Variants in DST observed in about 807,000 individuals in gnomAD.
The protein encoded by DST is dystonin.
In DST, 253 loss-of-function variants were observed where a neutral mutation model predicts 875.2. That is an observed-to-expected ratio of 0.29 (90% CI 0.26 to 0.32). DST has a LOEUF of 0.32. Among genes scored for constraint, DST ranks in the 10% least tolerant of loss-of-function variants. The pLI is 1.00. For synonymous variants in DST, 3,124 were observed against 3,197.1 expected, an observed-to-expected ratio of 0.98 and a Z score of 0.77; for missense variants, 8,287 against 9,111.6, an observed-to-expected ratio of 0.91 and a Z score of 3.68.
intron 4 of DST, chr6:56,843,258 A>C: frequency 2.3e-6 from 3 of 1,284,660 alleles, no homozygotes; most frequent in Non-Finnish European, 3.0e-6. Context: ...AGGAAGGAGC[A>C]GCACGCTGGG....
In DST at chr6:56,639,481, G is replaced by A. The variant is rs762673986; in HGVS notation, c.2828C>T (p.Thr943Ile). The A allele has an allele frequency of 6.2e-7, 1 of 1,613,770 alleles. No individual in the cohort carries two copies. Among genetic ancestry groups the A allele is most frequent in the South Asian group, 1.1e-5 (1 of 91,074 alleles). The change falls in exon 21 of 104, where the codon ACC (threonine) becomes ATC (isoleucine). Residue 943 changes from threonine (T) to isoleucine (I), a missense_variant. This residue lies in a region of DST where 1,160 missense variants were observed against 1,424.3 expected (regional missense o/e 0.81). Coordinates refer to ENST00000680361, the MANE Select transcript of DST (RefSeq NM_001374736.1). ...EVAYDWSERNTNIARKKDYHA... is the reference protein window; with the variant it reads ...EVAYDWSERNINIARKKDYHA... ...ATAATCTTTTTTCCTAGCTATGTTGGTGTTTCTCTCACTCCAGTCATAAGC... is the reference window on the plus strand; with the variant it reads ...ATAATCTTTTTTCCTAGCTATGTTGATGTTTCTCTCACTCCAGTCATAAGC...
chr6:56,928,578 T>C (rs1445837337), intron 2 of DST, among the ~76,000 whole-genome samples: 1 of 152,204 alleles, frequency 6.6e-6, no homozygotes, highest in Non-Finnish European at 1.5e-5. Flanking sequence ...CTGGATGTCC[T>C]AGCCGATACA....
Position 56,603,296 on chromosome 6 carries a change from C to CT in DST, c.11065dup (p.Ser3689LysfsTer30). ...GAAGGCGGTCTTCAAACTCTGGTGG[C>CT]TAATACTCAATTCTTCAACATGGCC... On this transcript the variant is annotated frameshift_variant, in exon 42 of 104. Coordinates refer to ENST00000680361, the MANE Select transcript of DST (RefSeq NM_001374736.1). LOFTEE classifies it high-confidence loss of function. The CT allele has an allele frequency of 6.2e-7, 1 of 1,610,824 alleles. No individual in the cohort carries two copies. Among genetic ancestry groups the CT allele is most frequent in the Non-Finnish European group, 8.5e-7 (1 of 1,178,894 alleles).
chr6:56,466,017 G>T, intron 99 of DST, 61 bp downstream of exon 99: 1 of 1,341,420 alleles, frequency 7.5e-7, no homozygotes, highest in Non-Finnish European at 1.0e-6. Context: ...ATGTTTTGGT[G>T]CTGGATATAA....
intron 97 of DST, 89 bp from the exon 98 acceptor site, chr6:56,469,088 T>A (rs971151802): frequency 3.6e-5 from 36 of 997,860 alleles, no homozygotes; most frequent in Non-Finnish European, 5.0e-5. Flanking sequence ...ATACTCACAC[T>A]CTGTGCTTCT....
chr6:56,492,792 G>A, intron 84 of DST, 142 bp downstream of exon 84: 1 of 707,678 alleles, frequency 1.4e-6, no homozygotes, highest in African/African-American at 1.9e-5. Context: ...AGAATCGCTT[G>A]AACCGGGAGG....
chr6:56,466,222 C>T, intron 98 of DST, 27 bp from the exon 99 acceptor site: 2 of 1,464,266 alleles, frequency 1.4e-6, no homozygotes, highest in Non-Finnish European at 1.8e-6. Flanking sequence ...GAAAGAACCT[C>T]TAGTTGTCAA....
intron 47 of DST, among the ~76,000 whole-genome samples, chr6:56,595,316 T>C (rs867396493): frequency 1.3e-5 from 2 of 151,884 alleles, no homozygotes; most frequent in Admixed American, 1.3e-4. Flanking sequence ...ATTGCACCCA[T>C]CTCCATTGAG....
chr6:56,536,622 C>G (rs1434117819), intron 62 of DST, among the ~76,000 whole-genome samples, 157 bp downstream of exon 62: 3 of 152,188 alleles, frequency 2.0e-5, no homozygotes, highest in Non-Finnish European at 4.4e-5. Flanking sequence ...CTACCTAGCT[C>G]CAGTAGGCAT....
At chr6:56,924,994 C>CCTA (rs1406352025) in intron 2 of DST, among the ~76,000 whole-genome samples, 1 of 152,054 alleles carries the variant, frequency 6.6e-6, no homozygotes, top group Non-Finnish European at 1.5e-5. Flanking sequence ...AATTAGAACA[C>CCTA]CTGTAACAAA....
intron 49 of DST, among the ~76,000 whole-genome samples, chr6:56,582,775 G>T (rs1442423430): frequency 6.6e-6 from 1 of 151,844 alleles, no homozygotes; most frequent in Non-Finnish European, 1.5e-5. Flanking sequence ...GCCCCAGAGT[G>T]TGATGATCCC....
intron 61 of DST, among the ~76,000 whole-genome samples, chr6:56,550,371 GGTTT>G (rs1464971419): frequency 2.6e-5 from 4 of 151,986 alleles, no homozygotes; most frequent in African/African-American, 4.8e-5. Flanking sequence ...CATGCTAAAT[GGTTT>G]ATTTTAGGAG....
chr6:56,642,981 T>A, intron 15 of DST: 1 of 1,355,660 alleles, frequency 7.4e-7, no homozygotes, highest in Non-Finnish European at 9.7e-7. Flanking sequence ...TTCAAAAGAA[T>A]CTAGCCTAAA....
chr6:56,667,113 C>T (rs533434153), intron 10 of DST, among the ~76,000 whole-genome samples: 2 of 152,158 alleles, frequency 1.3e-5, no homozygotes, highest in South Asian at 2.1e-4. Context: ...TCTTGGTGTG[C>T]TGCCCAGGCT....
At chr6:56,708,799 G>GA (rs1314316907) in intron 5 of DST, among the ~76,000 whole-genome samples, 49 of 152,250 alleles carry the variant, frequency 3.2e-4, no homozygotes, top group Non-Finnish European at 4.3e-4. Flanking sequence ...AAATTTAAGG[G>GA]AAAGAAAAGA....
chr6:56,640,710 G>T, intron 17 of DST, 105 bp from the exon 18 acceptor site: 1 of 934,950 alleles, frequency 1.1e-6, no homozygotes, highest in Non-Finnish European at 1.7e-6. Context: ...ATGTATCAAT[G>T]TTGGCTTATC....
In DST at chr6:56,605,942, G is replaced by A. The variant is rs761338314; in HGVS notation, c.8686C>T (p.Pro2896Ser). 3.1e-6 allele frequency: 5 copies of A among 1,612,744 alleles called. No individual in the cohort carries two copies. Among genetic ancestry groups the A allele is most frequent in the Non-Finnish European group, 4.2e-6 (5 of 1,179,438 alleles). ...NNLVTEKSNL[P>S]EYTTEIAGKS... is the part of the protein sequence containing the mutation. ...CCAGCAATCTCAGTTGTATATTCTG[G>A]AAGGTTGCTTTTTTCAGTAACTAAG... Residue 2896 changes from proline (P) to serine (S), a missense_variant, in exon 40 of 104, where the codon CCA becomes TCA. This residue lies in a region of DST where 3,138 missense variants were observed against 3,116.6 expected (regional missense o/e 1.01). Coordinates refer to ENST00000680361, the MANE Select transcript of DST (RefSeq NM_001374736.1).
intron 63 of DST, among the ~76,000 whole-genome samples, chr6:56,534,082 T>G (rs2096949013): frequency 6.6e-6 from 1 of 152,188 alleles, no homozygotes; most frequent in South Asian, 2.1e-4. Context: ...TGAGGACCTT[T>G]AAAATCTATT....
chr6:56,924,739 CT>C (rs1383980824), intron 2 of DST, among the ~76,000 whole-genome samples: 3 of 152,008 alleles, frequency 2.0e-5, no homozygotes, highest in African/African-American at 7.2e-5. Context: ...ATATATGTCA[CT>C]TATTTTAACT....
Sources: allele counts gnomAD v4.1 joint callset (sites outside exome capture counted in the v4.1 genomes callset), GRCh38; gene constraint gnomAD v4.1.1; regional missense constraint gnomAD v4.1.1; transcripts MANE v1.5; gene names NCBI Gene and HGNC (gene_info 2026-07-23, HGNC 2026-07-21).